The following ADGRB3 variants were observed in gnomAD, a reference collection of about 807,000 sequenced individuals.
The protein encoded by ADGRB3 is brain-specific angiogenesis inhibitor 3.
ADGRB3 carries 37 observed loss-of-function variants against 193.4 expected under a neutral mutation model. The ratio of observed to expected loss-of-function variants is 0.19; its 90% CI spans 0.15 to 0.25. ADGRB3 has a LOEUF of 0.25. Ranked by LOEUF, ADGRB3 falls within the 10% of genes least tolerant of loss-of-function variation. The probability of loss-of-function intolerance (pLI) is 1.00; values close to 1 mark genes in which losing one functional copy is unlikely to be tolerated. For missense variants in ADGRB3, 1,637 were observed against 1,852.9 expected, an observed-to-expected ratio of 0.88 and a Z score of 2.14; for synonymous variants, 690 against 644.2, an observed-to-expected ratio of 1.07 and a Z score of -1.08.
At chr6:69,234,072 C>A (rs1766209887) in intron 18 of ADGRB3, among the ~76,000 whole-genome samples, 1 of 152,074 alleles carries the variant, frequency 6.6e-6, no homozygotes, top group Non-Finnish European at 1.5e-5. Flanking sequence ...GAATGCTGAA[C>A]AATTATTATT....
At chr6:68,830,990 G>A (rs1767941309) in intron 3 of ADGRB3, among the ~76,000 whole-genome samples, 2 of 151,774 alleles carry the variant, frequency 1.3e-5, no homozygotes, top group Admixed American at 6.6e-5. Flanking sequence ...AAACAAATGG[G>A]TATAACGTGA....
chr6:69,165,351 T>G (rs1037738589), intron 17 of ADGRB3, among the ~76,000 whole-genome samples: 16 of 151,996 alleles, frequency 1.1e-4, no homozygotes, highest in African/African-American at 3.9e-4. Context: ...GGACACAAGA[T>G]ATCTGTCATT....
intron 3 of ADGRB3, among the ~76,000 whole-genome samples, chr6:68,868,837 C>A (rs1197538744): frequency 6.6e-6 from 1 of 151,772 alleles, no homozygotes; most frequent in South Asian, 2.1e-4. Context: ...ATAATACAAA[C>A]TCCTGGAAGT....
At chr6:68,637,758 CA>C (rs777779333) in intron 2 of ADGRB3, among the ~76,000 whole-genome samples, 196 bp downstream of exon 2, 23 of 149,754 alleles carry the variant, frequency 1.5e-4, no homozygotes, top group Non-Finnish European at 3.0e-4. Flanking sequence ...GATAATTTTT[CA>C]AAAATTAAAA....
At chr6:69,388,407 C>G (rs1582673155) in intron 31 of ADGRB3, among the ~76,000 whole-genome samples, 1 of 152,096 alleles carries the variant, frequency 6.6e-6, no homozygotes, top group African/African-American at 2.4e-5. Flanking sequence ...TATGGTCATA[C>G]TGACAATTCA....
intron 20 of ADGRB3, among the ~76,000 whole-genome samples, chr6:69,250,020 G>A (rs1766587263): frequency 1.3e-5 from 2 of 152,192 alleles, no homozygotes; most frequent in African/African-American, 4.8e-5. Flanking sequence ...AGCTTTAACA[G>A]TAAACACATA....
intron 28 of ADGRB3, among the ~76,000 whole-genome samples, chr6:69,360,163 C>T (rs1182720397): frequency 6.6e-6 from 1 of 151,792 alleles, no homozygotes; most frequent in Non-Finnish European, 1.5e-5. Flanking sequence ...TTTGGAGGTT[C>T]ATAAAGTGTT....
intron 17 of ADGRB3, among the ~76,000 whole-genome samples, chr6:69,183,372 C>T (rs1764984349): frequency 6.6e-6 from 1 of 152,014 alleles, no homozygotes. Context: ...ATAAGTGCCT[C>T]TTTTTATAAG....
Position 69,043,320 on chromosome 6 carries a change from G to GAAAGAAAGAAAGAA in ADGRB3, c.2108-4852_2108-4851insAAAAGAAAGAAAGA, listed in dbSNP as rs1771137832. 2.0e-5 allele frequency among the ~76,000 whole-genome samples: 3 copies of GAAAGAAAGAAAGAA among 148,396 alleles called. No individual in the cohort carries two copies. In the South Asian group the frequency reaches 6.5e-4, roughly 32 times the overall value. On this transcript the variant is annotated intron_variant, in intron 13 of 31. Transcript: ENST00000370598. ...AGAAAGAAAGAAAGAAAGAAAGAAA[G>GAAAGAAAGAAAGAA]AAAGAAAGAAAGAGAAAGAAAAGAA... is the stretch of plus-strand genomic sequence containing the variant.
chr6:69,384,973 T>TTC (rs1770035317), intron 31 of ADGRB3, among the ~76,000 whole-genome samples: 1 of 150,780 alleles, frequency 6.6e-6, no homozygotes. Flanking sequence ...TTTTTTTTTT[T>TTC]CCGGGCTGCT....
At chr6:69,370,059 A>T (rs974682908) in intron 29 of ADGRB3, among the ~76,000 whole-genome samples, 1 of 152,150 alleles carries the variant, frequency 6.6e-6, no homozygotes, top group Non-Finnish European at 1.5e-5. Context: ...ACAGCAAGAG[A>T]TAGTAAATGA....
At chr6:69,090,929 G>T (rs1772687049) in intron 17 of ADGRB3, among the ~76,000 whole-genome samples, 1 of 152,158 alleles carries the variant, frequency 6.6e-6, no homozygotes, top group Non-Finnish European at 1.5e-5. Context: ...CCTGAAATTT[G>T]ATTAAATTAA....
intron 20 of ADGRB3, among the ~76,000 whole-genome samples, chr6:69,259,000 C>T (rs935139990): frequency 6.6e-5 from 10 of 152,102 alleles, no homozygotes; most frequent in Non-Finnish European, 1.2e-4. Flanking sequence ...GTCTATTCCA[C>T]GTAATCTTCT....
At chr6:69,066,081 G>A (rs1376571687) in intron 16 of ADGRB3, among the ~76,000 whole-genome samples, 2 of 151,384 alleles carry the variant, frequency 1.3e-5, no homozygotes, top group African/African-American at 4.9e-5. Context: ...TATCTGCAAG[G>A]GGTTCTGGAA....
At chr6:68,688,490 CA>C (rs1167736942) in intron 3 of ADGRB3, among the ~76,000 whole-genome samples, 1 of 152,046 alleles carries the variant, frequency 6.6e-6, no homozygotes, top group African/African-American at 2.4e-5. Flanking sequence ...CTACAAAACC[CA>C]AATATAAAGA....
intron 17 of ADGRB3, among the ~76,000 whole-genome samples, chr6:69,149,896 C>G (rs578205145): frequency 2.0e-5 from 3 of 151,538 alleles, no homozygotes; most frequent in Admixed American, 1.3e-4. Flanking sequence ...CAGAGTCTCT[C>G]TCTTTATCTC....
At chr6:69,176,564 G>T (rs1419354478) in intron 17 of ADGRB3, among the ~76,000 whole-genome samples, 3 of 152,116 alleles carry the variant, frequency 2.0e-5, no homozygotes, top group African/African-American at 7.2e-5. Context: ...TTGTGTGTGT[G>T]TCCATGTTCA....
intron 8 of ADGRB3, among the ~76,000 whole-genome samples, chr6:68,958,590 T>A (rs1768142212): frequency 1.3e-5 from 2 of 152,110 alleles, no homozygotes; most frequent in South Asian, 4.1e-4. Flanking sequence ...TACAGATCTA[T>A]TTATGAAAAA....
intron 3 of ADGRB3, among the ~76,000 whole-genome samples, chr6:68,764,026 T>G (rs758278621): frequency 1.3e-5 from 2 of 152,170 alleles, no homozygotes; most frequent in Non-Finnish European, 2.9e-5. Flanking sequence ...TGAGCTGAAA[T>G]GCACCACTGC....
Sources: gnomAD v4.1 joint callset for allele counts (sites outside exome capture counted in the v4.1 genomes callset) on GRCh38, gnomAD v4.1.1 for gene constraint, MANE v1.5 for transcripts, NCBI Gene and HGNC (gene_info 2026-07-23, HGNC 2026-07-21) for gene names.